DAPK2: variants seen among roughly 807,000 people sequenced by gnomAD.
DAPK2 encodes death associated protein kinase 2, also known as death-associated protein kinase 2.
DAPK2 carries 35 observed loss-of-function variants against 44.1 expected under a neutral mutation model. The ratio of observed to expected loss-of-function variants is 0.79; its 90% confidence interval spans 0.61 to 1.05. The LOEUF (loss-of-function observed/expected upper bound fraction) is 1.05. DAPK2 is among the 50% of genes least tolerant of loss of function. The pLI is 0.00. For missense variants in DAPK2, 453 were observed against 483.2 expected (o/e 0.94, Z 0.59); for synonymous variants, 174 against 182.6 (o/e 0.95, Z 0.38).
intron 1 of DAPK2, among the ~76,000 whole-genome samples, chr15:64,009,734 A>T (rs2079335059): frequency 6.6e-6 from 1 of 151,956 alleles, no homozygotes; most frequent in Admixed American, 6.6e-5. Flanking sequence ...CTTTATGCTC[A>T]TTTCTTTACT....
intron 1 of DAPK2, among the ~76,000 whole-genome samples, chr15:64,021,145 AG>A (rs1021944471): frequency 6.6e-6 from 1 of 152,164 alleles, no homozygotes; most frequent in Non-Finnish European, 1.5e-5. Flanking sequence ...CCTACCCACA[AG>A]GGGAAGCCCT....
chr15:63,995,154 A>C (rs1244833434), intron 1 of DAPK2, among the ~76,000 whole-genome samples: 1 of 152,050 alleles, frequency 6.6e-6, no homozygotes, highest in Non-Finnish European at 1.5e-5. Context: ...CACATGTATA[A>C]ATCTCTGCAT....
intron 6 of DAPK2, among the ~76,000 whole-genome samples, chr15:63,926,458 C>T (rs1028163938): frequency 1.3e-5 from 2 of 152,086 alleles, no homozygotes; most frequent in Admixed American, 6.5e-5. Context: ...TGCAGCTTCA[C>T]GGTGGCACAG....
chr15:63,948,615 G>C (rs2077511793), intron 3 of DAPK2, among the ~76,000 whole-genome samples: 1 of 152,190 alleles, frequency 6.6e-6, no homozygotes, highest in East Asian at 1.9e-4. Flanking sequence ...GATTTAGGTG[G>C]GGACACAGAT....
intron 3 of DAPK2, among the ~76,000 whole-genome samples, chr15:63,959,491 T>G (rs1017286674): frequency 1.1e-4 from 17 of 152,208 alleles, no homozygotes; most frequent in Non-Finnish European, 4.4e-5. Context: ...GACTGTGGAT[T>G]TGTCATAAAT....
rs1427988379 is a variant in DAPK2, at chr15:63,966,817, G to A, written c.453+4606C>T. 1.3e-5 allele frequency among the ~76,000 whole-genome samples: 2 copies of A among 152,210 alleles called. No homozygotes were observed. Among genetic ancestry groups the A allele is most frequent in the African/African-American group, 4.8e-5 (2 of 41,454 alleles). On this transcript the variant is annotated intron_variant, in intron 3 of 10. Transcript: ENST00000261891. The surrounding 1 kb of genome is among the most constrained non-coding windows in gnomAD (Gnocchi z 5.5). ...GCTGCTGCCAGAAGATGGGGAAGGG[G>A]TGGTATAGGTGATTCAAGACTGTCT...
rs1294480245 is a variant in DAPK2 at position 63,916,992 on chromosome 15, T to A, written c.859-4795A>T. On this transcript the variant is annotated intron_variant, in intron 8 of 10. Transcript: ENST00000261891. This position sits in a 1 kb window ranked among gnomAD's most constrained non-coding sequence, Gnocchi z 4.7. ...TGGGAGTGGTGGGGACATGTGAGGA[T>A]GGAATGGGAATCCAGATGAGATGAA... The A allele has an allele frequency of 6.6e-6, 1 of 152,206 alleles. No individual in the cohort carries two copies. Among genetic ancestry groups the A allele is most frequent in the Non-Finnish European group, 1.5e-5 (1 of 68,050 alleles). 9.4% of individuals were successfully genotyped at this position (152,206 alleles called of 1,614,324 possible).
At chr15:63,942,059 C>G (rs2077324388) in intron 3 of DAPK2, 1 of 239,918 alleles carries the variant, frequency 4.2e-6, no homozygotes, top group Non-Finnish European at 6.7e-6. Flanking sequence ...TAGCTGAGAG[C>G]CCAGGACACC....
intron 1 of DAPK2, among the ~76,000 whole-genome samples, chr15:64,007,374 C>G (rs1391896793): frequency 6.6e-6 from 1 of 152,194 alleles, no homozygotes; most frequent in East Asian, 1.9e-4. Context: ...TTCCAGTTCC[C>G]CCCAGTCTTC....
chr15:63,950,007 C>A (rs1178888211), intron 3 of DAPK2, among the ~76,000 whole-genome samples: 1 of 152,168 alleles, frequency 6.6e-6, no homozygotes, highest in Non-Finnish European at 1.5e-5. Flanking sequence ...GATAGAAACT[C>A]TTTGGTCTGG....
Position 63,914,370 on chromosome 15 carries a change from G to A in DAPK2, c.859-2173C>T, listed in dbSNP as rs141502514. ...AGAGTACAGAAGGAAAGAGAGGAGGGGAAGGAGAAAGACAAGGAATGGGAA... is the reference window on the plus strand; with the variant it reads ...AGAGTACAGAAGGAAAGAGAGGAGGAGAAGGAGAAAGACAAGGAATGGGAA... On this transcript the variant is annotated intron_variant, in intron 8 of 10. Coordinates refer to ENST00000261891, the Ensembl canonical transcript of DAPK2. 2.8e-3 allele frequency among the ~76,000 whole-genome samples: 431 copies of A among 152,260 alleles called. 6 individuals carry two copies. The highest frequency in any genetic ancestry group is 9.8e-3 in the African/African-American group (409 of 41,548).
intron 1 of DAPK2, among the ~76,000 whole-genome samples, chr15:64,007,515 CA>C (rs1286415865): frequency 6.6e-6 from 1 of 152,162 alleles, no homozygotes; most frequent in Non-Finnish European, 1.5e-5. Flanking sequence ...CAGAGAAAGT[CA>C]ATGCTGGGAA....
At chr15:63,929,639 C>A in intron 5 of DAPK2, 62 bp from the exon 7 acceptor site, 3 of 1,605,084 alleles carry the variant, frequency 1.9e-6, no homozygotes, top group Non-Finnish European at 2.6e-6. Flanking sequence ...CAGCAAGGGA[C>A]ACCCTCATGG....
chr15:63,996,497 A>G (rs1273343446), intron 1 of DAPK2, among the ~76,000 whole-genome samples: 1 of 152,206 alleles, frequency 6.6e-6, no homozygotes, highest in Non-Finnish European at 1.5e-5. Flanking sequence ...GGGCCTTATT[A>G]CACATTTGCT....
At chr15:64,040,177 G>T in exon 1 of DAPK2, 1 of 1,613,498 alleles carries the variant, frequency 6.2e-7, no homozygotes. Flanking sequence ...TACCTCCCCA[G>T]CTCCTCTCCG....
chr15:64,023,328 G>A (rs4776282), intron 1 of DAPK2, among the ~76,000 whole-genome samples: 1 of 152,124 alleles, frequency 6.6e-6, no homozygotes, highest in Non-Finnish European at 1.5e-5. Context: ...TAAGGAAAAG[G>A]TGGCCACTGA....
chr15:64,037,696 C>T (rs556972277), intron 1 of DAPK2, among the ~76,000 whole-genome samples: 10 of 152,206 alleles, frequency 6.6e-5, no homozygotes, highest in African/African-American at 2.4e-4. Flanking sequence ...AAAGGCAGCT[C>T]TAGTTCTAGC....
chr15:63,967,155 G>A (rs574931674), intron 3 of DAPK2, among the ~76,000 whole-genome samples: 4 of 151,982 alleles, frequency 2.6e-5, no homozygotes, highest in African/African-American at 4.8e-5. Flanking sequence ...ACTCCAGCCT[G>A]GGCAACAGTG....
At position 63,942,091 on chromosome 15, in the gene DAPK2, G is replaced by C. The variant is rs2077325329; in HGVS notation, c.454-2730C>G. Reference sequence around the variant, plus strand: ...CACCATCTCACACCACACGCTGAATGGGGGTGGGAGCCAGACCTGGTGATC... The same window carrying C: ...CACCATCTCACACCACACGCTGAATCGGGGTGGGAGCCAGACCTGGTGATC... On this transcript the variant is annotated intron_variant, in intron 3 of 10. Coordinates refer to ENST00000261891, the Ensembl canonical transcript of DAPK2. The C allele has an allele frequency of 9.3e-6, 4 of 431,944 alleles. No individual in the cohort carries two copies. The South Asian group carries it at 3.9e-4, about 42-fold the overall frequency. The allele number at this position is 431,944 out of a possible 1,614,324, so 26.8% of individuals were successfully genotyped here.
Sources: allele counts gnomAD v4.1 joint callset (sites outside exome capture counted in the v4.1 genomes callset), GRCh38; gene constraint gnomAD v4.1.1; non-coding constraint Gnocchi (gnomAD v3.1); transcripts MANE v1.5; gene names NCBI Gene and HGNC (gene_info 2026-07-23, HGNC 2026-07-21).